Variants in COA1 observed in about 807,000 individuals in gnomAD.
The protein encoded by COA1 is cytochrome c oxidase assembly factor 1 homolog.
COA1 carries 13 observed loss-of-function variants against 16.0 expected under a neutral mutation model. That is an observed-to-expected ratio of 0.81 (90% confidence interval 0.53 to 1.29). COA1 has a LOEUF of 1.29. Ranked by LOEUF, COA1 falls within the 50% of genes most tolerant of loss-of-function variation. The pLI is 0.00. For synonymous variants in COA1, 65 were observed against 65.7 expected, an observed-to-expected ratio of 0.99 and a Z score of 0.05; for missense variants, 179 against 177.0, an observed-to-expected ratio of 1.01 and a Z score of -0.06.
intron 6 of COA1, among the ~76,000 whole-genome samples, chr7:43,613,834 T>G (rs2083094525): frequency 2.0e-5 from 3 of 152,142 alleles, no homozygotes; most frequent in Admixed American, 2.0e-4. Flanking sequence ...CAGAGTGAGA[T>G]CCTGTCTCAA....
exon 7 of COA1, chr7:43,608,537 C>G (rs571553932): frequency 1.0e-6 from 1 of 990,468 alleles, no homozygotes; most frequent in African/African-American, 1.6e-5. Flanking sequence ...AGTCTTTACT[C>G]CTATCCTCTA....
At position 43,715,656 on chromosome 7, in the gene COA1, T is replaced by C. The variant is rs529861857; in HGVS notation, c.-39+13773A>G. 2.6e-5 allele frequency among the ~76,000 whole-genome samples: 4 copies of C among 152,340 alleles called. No homozygotes were observed. The South Asian group carries it at 8.3e-4, about 32-fold the overall frequency. ...ACAAAAACACTATATCTTTTTCTCT[T>C]GTAATTCCTCTCCTAAAGTATTTAC... On this transcript the variant is annotated intron_variant, in intron 1 of 5. Transcript: ENST00000223336.
chr7:43,686,011 C>T (rs2094004479), intron 1 of COA1, among the ~76,000 whole-genome samples: 3 of 152,196 alleles, frequency 2.0e-5, no homozygotes, highest in African/African-American at 7.2e-5. Context: ...AAACAGGCTA[C>T]ACCTGTAGTT....
intron 6 of COA1, among the ~76,000 whole-genome samples, chr7:43,618,831 G>A (rs190118030): frequency 5.8e-4 from 89 of 152,244 alleles, no homozygotes; most frequent in African/African-American, 2.0e-3. Context: ...CAAGTCCAGA[G>A]AGAACTTAGG....
At position 43,647,750 on chromosome 7, in the gene COA1, AC is replaced by A. The variant is rs149031871; in HGVS notation, c.16-117del. 1,896 of 724,914 alleles carry A rather than the reference AC, an allele frequency of 2.6e-3. 24 individuals are homozygous for A. In the African/African-American group the frequency reaches 0.031, roughly 12 times the overall value. The allele number at this position is 724,914 out of a possible 1,614,324, so 44.9% of individuals were successfully genotyped here. A position where few individuals can be genotyped will look rare whatever the true frequency, so the allele number is the denominator to read the frequency against. ...TTAAGGAAGCCAGAAAGGAGGCCAGACCGCCCTCCCTCATTTGCTTCCTTTC... is the reference window on the plus strand; with the variant it reads ...TTAAGGAAGCCAGAAAGGAGGCCAGACGCCCTCCCTCATTTGCTTCCTTTC... On this transcript the variant is annotated intron_variant, in intron 2 of 5. Transcript: ENST00000223336.
intron 1 of COA1, among the ~76,000 whole-genome samples, chr7:43,723,146 CT>C (rs2095544424): frequency 1.3e-5 from 2 of 152,182 alleles, no homozygotes; most frequent in Admixed American, 6.5e-5. Context: ...ATCCTCTACC[CT>C]TTATCCCTTA....
chr7:43,651,070 C>CA (rs1584425770), intron 1 of COA1, among the ~76,000 whole-genome samples: 1 of 151,972 alleles, frequency 6.6e-6, no homozygotes, highest in Non-Finnish European at 1.5e-5. Context: ...CCCGACCTCA[C>CA]AAAAAAACAA....
intron 6 of COA1, among the ~76,000 whole-genome samples, chr7:43,616,309 G>A (rs2083336607): frequency 6.6e-6 from 1 of 152,124 alleles, no homozygotes; most frequent in Non-Finnish European, 1.5e-5. Flanking sequence ...TATAAACTCT[G>A]ACAGTAGGGC....
downstream of COA1, among the ~76,000 whole-genome samples, chr7:43,638,452 A>C (rs1269354792): frequency 6.6e-6 from 1 of 152,184 alleles, no homozygotes; most frequent in Non-Finnish European, 1.5e-5. Context: ...TATAAGACTA[A>C]TAAAACCTAA....
intron 1 of COA1, among the ~76,000 whole-genome samples, chr7:43,706,951 A>T (rs137979440): frequency 1.2e-3 from 179 of 152,280 alleles, no homozygotes; most frequent in African/African-American, 4.2e-3. Context: ...TGGGCAGATC[A>T]CTTGAGATCA....
chr7:43,722,056 C>A (rs2095516471), intron 1 of COA1, among the ~76,000 whole-genome samples: 1 of 151,366 alleles, frequency 6.6e-6, no homozygotes, highest in Non-Finnish European at 1.5e-5. Context: ...CAATCTATAA[C>A]CAAAAGTTAG....
chr7:43,612,664 T>C (rs1451540620), intron 6 of COA1, among the ~76,000 whole-genome samples: 4 of 152,236 alleles, frequency 2.6e-5, no homozygotes, highest in Non-Finnish European at 5.9e-5. Context: ...ACAACTGTTA[T>C]AGTTGCTTCT....
At chr7:43,645,431 T>C (rs764775273) in intron 3 of COA1, 32 bp from the exon 4 acceptor site, 37 of 1,606,100 alleles carry the variant, frequency 2.3e-5, no homozygotes, top group Middle Eastern at 3.3e-4. Flanking sequence ...ATTTTCTTTA[T>C]TGAACTTGGT....
intron 1 of COA1, among the ~76,000 whole-genome samples, chr7:43,711,178 G>A (rs1477991325): frequency 6.6e-6 from 1 of 151,758 alleles, no homozygotes; most frequent in East Asian, 1.9e-4. Context: ...GGTATTAAAG[G>A]CTCATGAAAA....
intron 6 of COA1, chr7:43,624,930 G>GTTATCCACTTCCAGTAC: frequency 8.5e-7 from 1 of 1,179,826 alleles, no homozygotes; most frequent in Non-Finnish European, 1.2e-6. Flanking sequence ...ACATGTACTG[G>GTTATCCACTTCCAGTAC]AAGTGGATAA....
chr7:43,673,347 CTT>C (rs1441477289), intron 1 of COA1, among the ~76,000 whole-genome samples: 2 of 152,142 alleles, frequency 1.3e-5, no homozygotes, highest in African/African-American at 4.8e-5. Flanking sequence ...TGAACAGACA[CTT>C]TTCAAAAGAA....
chr7:43,660,947 C>T (rs180948520), intron 1 of COA1, among the ~76,000 whole-genome samples: 7 of 152,272 alleles, frequency 4.6e-5, no homozygotes, highest in Middle Eastern at 3.4e-3. Context: ...AGTTTCCTCA[C>T]CACATTCTTA....
intron 1 of COA1, among the ~76,000 whole-genome samples, chr7:43,678,828 G>A (rs2093643720): frequency 1.3e-5 from 2 of 152,136 alleles, no homozygotes; most frequent in South Asian, 2.1e-4. Context: ...GCTAGAATGT[G>A]GAGAAACTGT....
chr7:43,636,889 G>C (rs1446647414), downstream of COA1, among the ~76,000 whole-genome samples: 2 of 152,168 alleles, frequency 1.3e-5, no homozygotes, highest in East Asian at 3.8e-4. Flanking sequence ...CCAAATCTTT[G>C]ATGGCCACAA....
Sources: allele counts gnomAD v4.1 joint callset (sites outside exome capture counted in the v4.1 genomes callset), GRCh38; gene constraint gnomAD v4.1.1; transcripts MANE v1.5; gene names NCBI Gene and HGNC (gene_info 2026-07-23, HGNC 2026-07-21).